Variants in LAMA2 observed in about 807,000 individuals in gnomAD.
LAMA2 encodes the protein laminin subunit alpha 2.
A neutral mutation model predicts 364.8 loss-of-function variants in LAMA2; 269 were observed. The ratio of observed to expected loss-of-function variants is 0.74; its 90% CI spans 0.67 to 0.82. The LOEUF (loss-of-function observed/expected upper bound fraction) is 0.82. Ranked by LOEUF, LAMA2 falls within the 40% of genes least tolerant of loss-of-function variation. The probability of loss-of-function intolerance (pLI) is 0.00; values close to 1 mark genes in which losing one functional copy is unlikely to be tolerated. For missense variants in LAMA2, 3,807 were observed against 3,873.2 expected (o/e 0.98, Z 0.45); for synonymous variants, 1,379 against 1,370.6 (o/e 1.01, Z -0.14).
In LAMA2 at chr6:129,202,976, A is replaced by G. The variant is rs147525627; in HGVS notation, c.1782+10123A>G. ...TGTCACTAGTGCTAGCTGTCACAAG[A>G]CCTCTAGCCAGTCATGTTTTCAGCT... On this transcript the variant is annotated intron_variant, in intron 12 of 64. Coordinates refer to ENST00000421865, the MANE Select transcript of LAMA2 (RefSeq NM_000426.4). Among the ~76,000 whole-genome samples the G allele has an allele frequency of 1.8e-4, 27 of 152,270 alleles. No homozygotes were observed. The East Asian group carries it at 4.6e-3, about 26-fold the overall frequency.
intron 10 of LAMA2, among the ~76,000 whole-genome samples, chr6:129,179,914 G>C (rs749009130): frequency 2.6e-5 from 4 of 152,042 alleles, no homozygotes; most frequent in Non-Finnish European, 5.9e-5. Flanking sequence ...GCCACGATGA[G>C]TTATATCAAA....
At chr6:129,136,046 A>C (rs1327429090) in intron 4 of LAMA2, among the ~76,000 whole-genome samples, 1 of 151,646 alleles carries the variant, frequency 6.6e-6, no homozygotes, top group African/African-American at 2.4e-5. Flanking sequence ...AAAAAGTGAG[A>C]GGGAAGGGGG....
At chr6:129,292,110 G>A (rs1266067532) in intron 20 of LAMA2, among the ~76,000 whole-genome samples, 1 of 152,170 alleles carries the variant, frequency 6.6e-6, no homozygotes, top group Non-Finnish European at 1.5e-5. Context: ...ACTTTGGGAG[G>A]CCAAGGCAGG....
intron 52 of LAMA2, among the ~76,000 whole-genome samples, chr6:129,473,591 G>A (rs1240457742): frequency 6.6e-6 from 1 of 151,994 alleles, no homozygotes; most frequent in Non-Finnish European, 1.5e-5. Flanking sequence ...ATATGCACCT[G>A]CTGAAAAGAA....
At chr6:129,116,984 T>G (rs975233156) in intron 4 of LAMA2, among the ~76,000 whole-genome samples, 11 of 152,108 alleles carry the variant, frequency 7.2e-5, no homozygotes, top group African/African-American at 2.7e-4. Context: ...AACAAAAAAT[T>G]AAAATTTCAC....
intron 1 of LAMA2, among the ~76,000 whole-genome samples, chr6:128,893,184 CT>C (rs1300061020): frequency 1.3e-5 from 2 of 151,808 alleles, no homozygotes; most frequent in Admixed American, 6.6e-5. Context: ...AATTTTCCAT[CT>C]AAAAAATGAC....
intron 53 of LAMA2, among the ~76,000 whole-genome samples, chr6:129,476,214 A>G (rs1345760418): frequency 6.6e-6 from 1 of 152,174 alleles, no homozygotes; most frequent in Non-Finnish European, 1.5e-5. Flanking sequence ...AGATTTCTGG[A>G]AAGAAGATAA....
chr6:128,963,698 T>G (rs1008297683), intron 1 of LAMA2, among the ~76,000 whole-genome samples: 1 of 152,142 alleles, frequency 6.6e-6, no homozygotes, highest in South Asian at 2.1e-4. Context: ...CTCATCATTT[T>G]GGCCTTTCAT....
At chr6:128,960,875 A>G (rs1781445303) in intron 1 of LAMA2, among the ~76,000 whole-genome samples, 1 of 151,764 alleles carries the variant, frequency 6.6e-6, no homozygotes, top group African/African-American at 2.4e-5. Context: ...TCATTTTTGA[A>G]GTTTTTAATA....
intron 37 of LAMA2, among the ~76,000 whole-genome samples, chr6:129,399,772 A>C (rs931887907): frequency 6.6e-6 from 1 of 152,208 alleles, no homozygotes; most frequent in Non-Finnish European, 1.5e-5. Flanking sequence ...ACCTGGCAAC[A>C]TACTGAATTG....
At chr6:128,970,259 G>A (rs1055213647) in intron 1 of LAMA2, among the ~76,000 whole-genome samples, 2 of 151,856 alleles carry the variant, frequency 1.3e-5, no homozygotes, top group Admixed American at 6.6e-5. Flanking sequence ...AAACTTATTC[G>A]ACTTTTATTA....
chr6:129,503,863 C>T (rs1785841841), intron 60 of LAMA2, among the ~76,000 whole-genome samples: 1 of 152,132 alleles, frequency 6.6e-6, no homozygotes, highest in Non-Finnish European at 1.5e-5. Context: ...TTATTTGGAA[C>T]AACTTTAAAA....
chr6:129,053,916 C>T (rs1320980766), intron 2 of LAMA2, among the ~76,000 whole-genome samples: 1 of 152,090 alleles, frequency 6.6e-6, no homozygotes, highest in Non-Finnish European at 1.5e-5. Context: ...GGTTTAGATG[C>T]TTGGGGGGAA....
At position 129,431,620 on chromosome 6, in the gene LAMA2, C is replaced by T. The variant is rs569069564; in HGVS notation, c.5968+3766C>T. ...GAAAATCCATGTATAACATTAGACTCTTCATAAACTTCATAACTAAACTTC... is the reference window on the plus strand; with the variant it reads ...GAAAATCCATGTATAACATTAGACTTTTCATAAACTTCATAACTAAACTTC... On this transcript the variant is annotated intron_variant, in intron 41 of 64. Transcript: ENST00000421865. Among the ~76,000 whole-genome samples the T allele has an allele frequency of 1.4e-4, 22 of 152,130 alleles. No homozygotes were observed. The East Asian group carries it at 4.3e-3, about 29-fold the overall frequency.
At chr6:129,288,087 C>T (rs1562419751) in intron 19 of LAMA2, 29 bp downstream of exon 19, 4 of 1,581,298 alleles carry the variant, frequency 2.5e-6, no homozygotes, top group Middle Eastern at 1.7e-4. Flanking sequence ...ATGCCCCTGA[C>T]AGAATTGATG....
intron 45 of LAMA2, 86 bp downstream of exon 45, chr6:129,445,907 G>A (rs534054613): frequency 1.3e-4 from 168 of 1,337,460 alleles, no homozygotes; most frequent in Non-Finnish European, 1.5e-4. Context: ...AGGATTCCCC[G>A]TTGAATGATC....
intron 30 of LAMA2, among the ~76,000 whole-genome samples, chr6:129,344,997 G>A (rs1406530353): frequency 6.6e-6 from 1 of 152,180 alleles, no homozygotes; most frequent in Non-Finnish European, 1.5e-5. Flanking sequence ...ATATGGGGAA[G>A]GTTGCAAGGG....
intron 37 of LAMA2, among the ~76,000 whole-genome samples, chr6:129,399,644 T>A (rs1443850388): frequency 6.6e-6 from 1 of 152,114 alleles, no homozygotes; most frequent in Non-Finnish European, 1.5e-5. Flanking sequence ...TTTAGATAGG[T>A]AATCAGAGGA....
chr6:129,487,045 T>A (rs1332016711), intron 56 of LAMA2, among the ~76,000 whole-genome samples: 1 of 152,222 alleles, frequency 6.6e-6, no homozygotes, highest in South Asian at 2.1e-4. Context: ...GCTGCTTAGC[T>A]GTCACAGATA....
Sources: allele counts gnomAD v4.1 joint callset (sites outside exome capture counted in the v4.1 genomes callset), GRCh38; gene constraint gnomAD v4.1.1; transcripts MANE v1.5; gene names NCBI Gene and HGNC (gene_info 2026-07-23, HGNC 2026-07-21).